Variants in CAB39 observed in about 807,000 individuals in gnomAD.
The protein encoded by CAB39 is calcium-binding protein 39.
In CAB39, 8 loss-of-function variants were observed where a neutral mutation model predicts 40.0. The observed-to-expected ratio is 0.20, with a 90% CI of 0.12 to 0.36. The LOEUF (loss-of-function observed/expected upper bound fraction) is 0.36, where lower values mean the gene tolerates loss of function less well. Ranked by LOEUF, CAB39 falls within the 10% of genes least tolerant of loss-of-function variation. The pLI is 1.00. For synonymous variants in CAB39, 156 were observed against 141.6 expected, an observed-to-expected ratio of 1.10 and a Z score of -0.72; for missense variants, 270 against 401.1, an observed-to-expected ratio of 0.67 and a Z score of 2.79.
intron 1 of CAB39, among the ~76,000 whole-genome samples, chr2:230,756,448 C>G (rs1695191130): frequency 6.6e-6 from 1 of 152,170 alleles, no homozygotes. Flanking sequence ...AGCTACATGA[C>G]TGTGTAAGAT....
chr2:230,768,098 T>C (rs1695418574), intron 2 of CAB39, among the ~76,000 whole-genome samples: 1 of 152,210 alleles, frequency 6.6e-6, no homozygotes, highest in Admixed American at 6.5e-5. Flanking sequence ...TTATTGAAAA[T>C]GGAATCAAAA....
intron 1 of CAB39, among the ~76,000 whole-genome samples, chr2:230,721,528 G>A (rs1378642041): frequency 6.6e-6 from 1 of 152,178 alleles, no homozygotes; most frequent in African/African-American, 2.4e-5. Context: ...CTATATTTGT[G>A]CTTATTTGAA....
intron 2 of CAB39, among the ~76,000 whole-genome samples, chr2:230,769,832 A>G (rs988233472): frequency 2.0e-5 from 3 of 151,684 alleles, no homozygotes; most frequent in Non-Finnish European, 4.4e-5. Flanking sequence ...TACAAAAAAA[A>G]AAAAAAGGGC....
chr2:230,820,133 T>C lies in CAB39; in HGVS notation c.*1429T>C, dbSNP rs1575969667. The C allele has an allele frequency of 6.5e-6, 1 of 152,768 alleles. No individual in the cohort carries two copies. The highest frequency in any genetic ancestry group is 3.4e-3 in the Middle Eastern group (1 of 294). The allele number at this position is 152,768 out of a possible 1,614,324, so 9.5% of individuals were successfully genotyped here. On this transcript the variant is annotated 3_prime_UTR_variant, in exon 9 of 9. Coordinates refer to ENST00000258418, the MANE Select transcript of CAB39 (RefSeq NM_016289.4). ...CTAGACTATATCTATGTAAAGTTAT[T>C]AGAATGGTATCTGTTCATTTTAGTG...
At chr2:230,787,762 T>C (rs980469198) in intron 2 of CAB39, among the ~76,000 whole-genome samples, 1 of 152,196 alleles carries the variant, frequency 6.6e-6, no homozygotes, top group Admixed American at 6.5e-5. Flanking sequence ...AGGAGGTTAA[T>C]CAAAGAACCT....
chr2:230,780,763 AT>A (rs1230247979), intron 2 of CAB39, among the ~76,000 whole-genome samples: 2 of 152,178 alleles, frequency 1.3e-5, no homozygotes, highest in African/African-American at 2.4e-5. Context: ...CTACTGGAAA[AT>A]TACTATTTTT....
At chr2:230,813,041 A>G (rs1360348400) in intron 6 of CAB39, among the ~76,000 whole-genome samples, 6 of 152,188 alleles carry the variant, frequency 3.9e-5, no homozygotes, top group African/African-American at 1.4e-4. Flanking sequence ...ACAGATGACA[A>G]AGCAGGCATC....
At chr2:230,720,885 T>C (rs1176077641) in intron 1 of CAB39, among the ~76,000 whole-genome samples, 3 of 152,202 alleles carry the variant, frequency 2.0e-5, no homozygotes, top group African/African-American at 7.2e-5. Context: ...ACATGACCCA[T>C]GTAGATACTC....
intron 1 of CAB39, among the ~76,000 whole-genome samples, chr2:230,734,631 A>G (rs984631052): frequency 2.0e-5 from 3 of 152,168 alleles, no homozygotes; most frequent in Admixed American, 2.0e-4. Context: ...TCAAACATCC[A>G]TAGACTTCTT....
rs562198441 is a variant in CAB39 at position 230,785,887 on chromosome 2, G to A, written c.115-4985G>A. On this transcript the variant is annotated intron_variant, in intron 2 of 8. Coordinates refer to ENST00000258418, the MANE Select transcript of CAB39 (RefSeq NM_016289.4). ...TTTTTTAAGAGATGGAGTCTTGGCC[G>A]GGCGCGGTGGCTCACACCTGTAATC... Among the ~76,000 whole-genome samples, 196 of 151,326 alleles carry A rather than the reference G, an allele frequency of 1.3e-3. 2 individuals carry two copies. The highest frequency in any genetic ancestry group is 6.3e-4 in the Non-Finnish European group (43 of 67,772).
intron 2 of CAB39, among the ~76,000 whole-genome samples, chr2:230,786,486 G>T (rs981605932): frequency 6.6e-6 from 1 of 152,204 alleles, no homozygotes; most frequent in Non-Finnish European, 1.5e-5. Flanking sequence ...CATAACCACA[G>T]TTAATTTTAG....
intron 2 of CAB39, among the ~76,000 whole-genome samples, chr2:230,789,558 A>G (rs1472299057): frequency 6.6e-6 from 1 of 152,186 alleles, no homozygotes; most frequent in Non-Finnish European, 1.5e-5. Flanking sequence ...GAGGTTTTCC[A>G]TTAGGCTGGT....
chr2:230,763,857 C>T (rs757433083), intron 2 of CAB39, among the ~76,000 whole-genome samples: 1 of 152,118 alleles, frequency 6.6e-6, no homozygotes, highest in South Asian at 2.1e-4. Flanking sequence ...CATGGTGGCT[C>T]ACACCTGTAA....
chr2:230,790,003 C>T (rs1695866062), intron 2 of CAB39, among the ~76,000 whole-genome samples: 1 of 152,190 alleles, frequency 6.6e-6, no homozygotes, highest in East Asian at 1.9e-4. Context: ...TTGGGCAGAT[C>T]GCTTGAGCCC....
At chr2:230,748,825 AAAAAAAATATAT>A (rs1232226499) in intron 1 of CAB39, among the ~76,000 whole-genome samples, 29 of 59,218 alleles carry the variant, frequency 4.9e-4, no homozygotes, top group African/African-American at 1.7e-3. Context: ...AAAAAAAAAA[AAAAAAAATATAT>A]ATATATATAT....
intron 4 of CAB39, among the ~76,000 whole-genome samples, chr2:230,797,130 T>C (rs1695999666): frequency 6.6e-6 from 1 of 152,200 alleles, no homozygotes; most frequent in Admixed American, 6.5e-5. Context: ...TAGGAATCAT[T>C]TCCAATTGTC....
chr2:230,808,766 G>A (rs932258962), intron 5 of CAB39, among the ~76,000 whole-genome samples: 1 of 152,168 alleles, frequency 6.6e-6, no homozygotes, highest in Non-Finnish European at 1.5e-5. Flanking sequence ...TTGAACAACT[G>A]TAAATCTTTG....
At chr2:230,802,964 T>TTAGACCAATATCCCC (rs1307373918) in intron 5 of CAB39, among the ~76,000 whole-genome samples, 1 of 152,008 alleles carries the variant, frequency 6.6e-6, no homozygotes, top group East Asian at 1.9e-4. Flanking sequence ...AAAAAAAACT[T>TTAGACCAATATCCCC]TAGACCAATA....
chr2:230,754,412 T>C (rs1695150429), intron 1 of CAB39, among the ~76,000 whole-genome samples: 2 of 133,336 alleles, frequency 1.5e-5, no homozygotes, highest in African/African-American at 2.9e-5. Context: ...CCCCTCCTTC[T>C]TCCCCTTTCC....
Sources: allele counts gnomAD v4.1 joint callset (sites outside exome capture counted in the v4.1 genomes callset), GRCh38; gene constraint gnomAD v4.1.1; transcripts MANE v1.5; gene names NCBI Gene and HGNC (gene_info 2026-07-23, HGNC 2026-07-21).